Variants in BAZ2B observed in about 807,000 individuals in gnomAD.
BAZ2B encodes the protein bromodomain adjacent to zinc finger domain protein 2B.
Under a neutral mutation model 246.0 loss-of-function variants are expected in BAZ2B, and 91 were observed. The ratio of observed to expected loss-of-function variants is 0.37; its 90% CI spans 0.31 to 0.44. The LOEUF is 0.44. Ranked by LOEUF, BAZ2B falls within the 20% of genes least tolerant of loss-of-function variation. The pLI is 1.00. For synonymous variants in BAZ2B, 855 were observed against 860.0 expected (o/e 0.99, Z 0.10); for missense variants, 2,332 against 2,533.7 (o/e 0.92, Z 1.71).
chr2:159,578,532 C>A (rs747110829), intron 1 of BAZ2B, among the ~76,000 whole-genome samples: 2 of 152,092 alleles, frequency 1.3e-5, no homozygotes, highest in Non-Finnish European at 2.9e-5. Context: ...AAAAAGTTAA[C>A]AAGGATATCC....
chr2:159,467,098 T>C (rs768885769), intron 3 of BAZ2B, among the ~76,000 whole-genome samples: 2 of 152,068 alleles, frequency 1.3e-5, no homozygotes, highest in African/African-American at 2.4e-5. Context: ...AAATTCTGAG[T>C]TGGGAAAGGA....
chr2:159,343,806 C>G (rs2067197522), intron 31 of BAZ2B, among the ~76,000 whole-genome samples: 1 of 151,798 alleles, frequency 6.6e-6, no homozygotes, highest in Non-Finnish European at 1.5e-5. Context: ...GCGGGCAGAT[C>G]ACAAGGTCAG....
chr2:159,703,088 ACTTT>A, the BAZ2B span, among the ~76,000 whole-genome samples: 16 of 146,664 alleles, frequency 1.1e-4, no homozygotes, highest in Admixed American at 4.2e-4. Flanking sequence ...AAAAACAAAA[ACTTT>A]CTTTCTTTTT....
chr2:159,444,080 G>A (rs2073889394), intron 6 of BAZ2B: 1 of 152,018 alleles, frequency 6.6e-6, no homozygotes. Context: ...AAATAATATG[G>A]GAATCAGAAA....
chr2:159,478,445 G>T, intron 3 of BAZ2B, 130 bp downstream of exon 3: 1 of 939,440 alleles, frequency 1.1e-6, no homozygotes, highest in Non-Finnish European at 1.5e-6. Context: ...AAAAGACTAG[G>T]TGTTTAACCT....
chr2:159,673,098 T>C, the BAZ2B span, among the ~76,000 whole-genome samples: 10 of 152,274 alleles, frequency 6.6e-5, no homozygotes, highest in African/African-American at 2.2e-4. Flanking sequence ...GAGGAAATAC[T>C]TGGAACATAA....
chr2:159,510,014 C>G (rs1027540984), intron 2 of BAZ2B, among the ~76,000 whole-genome samples: 4 of 151,644 alleles, frequency 2.6e-5, no homozygotes, highest in South Asian at 2.1e-4. Flanking sequence ...CATAGATGAA[C>G]CCTGAAAACT....
chr2:159,430,650 C>T (rs995135382), intron 10 of BAZ2B, among the ~76,000 whole-genome samples: 1 of 152,086 alleles, frequency 6.6e-6, no homozygotes, highest in African/African-American at 2.4e-5. Context: ...GAACTATCAT[C>T]AATCAGATCC....
the BAZ2B span, among the ~76,000 whole-genome samples, chr2:159,699,011 A>T: frequency 6.6e-6 from 1 of 152,208 alleles, no homozygotes; most frequent in African/African-American, 2.4e-5. Flanking sequence ...TCATTATTTC[A>T]ACATTTATTG....
intron 3 of BAZ2B, among the ~76,000 whole-genome samples, chr2:159,469,233 T>C (rs2077472921): frequency 6.6e-6 from 1 of 152,004 alleles, no homozygotes; most frequent in Non-Finnish European, 1.5e-5. Context: ...ACATAAGTTA[T>C]GTATATCAAC....
chr2:159,336,172 A>G (rs2065637696), intron 33 of BAZ2B, among the ~76,000 whole-genome samples: 1 of 152,210 alleles, frequency 6.6e-6, no homozygotes, highest in South Asian at 2.1e-4. Flanking sequence ...ACAAACAAAA[A>G]AGCAAATGTT....
intron 13 of BAZ2B, chr2:159,419,735 A>C (rs2068405057): frequency 6.6e-6 from 1 of 152,226 alleles, no homozygotes; most frequent in East Asian, 1.9e-4. Context: ...GGATTCACAC[A>C]GTTGTCCTCC....
At chr2:159,670,116 A>G in the BAZ2B span, among the ~76,000 whole-genome samples, 6 of 152,062 alleles carry the variant, frequency 3.9e-5, no homozygotes, top group Non-Finnish European at 5.9e-5. Flanking sequence ...GACTACAGGC[A>G]TGCACCACCA....
At chr2:159,404,755 T>C (rs1576617394) in intron 16 of BAZ2B, 94 bp downstream of exon 16, 4 of 1,055,574 alleles carry the variant, frequency 3.8e-6, no homozygotes, top group East Asian at 5.3e-5. Context: ...ATGTGAAATA[T>C]AGTTATTTAA....
At chr2:159,529,977 CT>C (rs2085204133) in intron 2 of BAZ2B, among the ~76,000 whole-genome samples, 1 of 151,982 alleles carries the variant, frequency 6.6e-6, no homozygotes, top group South Asian at 2.1e-4. Context: ...CAGTTTTATC[CT>C]TTAAAAAAAG....
At chr2:159,364,060 A>C (rs1335400604) in intron 27 of BAZ2B, among the ~76,000 whole-genome samples, 3 of 152,134 alleles carry the variant, frequency 2.0e-5, no homozygotes, top group Admixed American at 1.3e-4. Flanking sequence ...CTTTGTTCCT[A>C]ATCTGAGCCC....
intron 31 of BAZ2B, among the ~76,000 whole-genome samples, chr2:159,343,230 C>G (rs1021140375): frequency 6.6e-6 from 1 of 152,132 alleles, no homozygotes; most frequent in African/African-American, 2.4e-5. Context: ...AGGAATTAAA[C>G]TAGACCCCCA....
chr2:159,529,806 T>G (rs563239296), intron 2 of BAZ2B, among the ~76,000 whole-genome samples: 1 of 152,366 alleles, frequency 6.6e-6, no homozygotes, highest in African/African-American at 2.4e-5. Context: ...TTGAAGAATT[T>G]AGTGATCATC....
intron 10 of BAZ2B, among the ~76,000 whole-genome samples, chr2:159,429,736 A>C (rs961245904): frequency 6.6e-6 from 1 of 152,286 alleles, no homozygotes; most frequent in Non-Finnish European, 1.5e-5. Flanking sequence ...AACCTAAGCC[A>C]CCAAGGAACA....
Sources: gnomAD v4.1 joint callset for allele counts (sites outside exome capture counted in the v4.1 genomes callset) on GRCh38, gnomAD v4.1.1 for gene constraint, MANE v1.5 for transcripts, NCBI Gene and HGNC (gene_info 2026-07-23, HGNC 2026-07-21) for gene names.